Variants in RASEF observed in about 807,000 individuals in gnomAD.
The protein encoded by RASEF is ras and EF-hand domain-containing protein.
Under a neutral mutation model 90.1 loss-of-function variants are expected in RASEF, and 68 were observed. The observed-to-expected ratio is 0.75, with a 90% confidence interval of 0.62 to 0.92. The LOEUF (loss-of-function observed/expected upper bound fraction) is 0.92. Ranked by LOEUF, RASEF falls within the 40% of genes least tolerant of loss-of-function variation. RASEF has a pLI of 0.00. For synonymous variants in RASEF, 331 were observed against 345.2 expected (o/e 0.96, Z 0.46); for missense variants, 949 against 937.2 (o/e 1.01, Z -0.16).
the RASEF span, among the ~76,000 whole-genome samples, chr9:83,182,168 A>C: frequency 1.3e-5 from 2 of 152,198 alleles, no homozygotes; most frequent in Non-Finnish European, 2.9e-5. Context: ...CAAGCACAGG[A>C]GTCCCTCTCA....
At chr9:83,185,327 C>T in the RASEF span, among the ~76,000 whole-genome samples, 2 of 149,304 alleles carry the variant, frequency 1.3e-5, no homozygotes, top group South Asian at 4.4e-4. Flanking sequence ...GGCCCCTGTG[C>T]TTTCTTTTTC....
the RASEF span, among the ~76,000 whole-genome samples, chr9:83,089,882 TATAGATAGATGATAG>T: frequency 3.4e-5 from 5 of 147,916 alleles, no homozygotes; most frequent in East Asian, 9.9e-4. Flanking sequence ...TCTGGGACTT[TATAGATAGATGATAG>T]ATAGATAGAT....
intron 16 of RASEF, among the ~76,000 whole-genome samples, chr9:82,988,454 C>G (rs1828751708): frequency 6.6e-6 from 1 of 151,694 alleles, no homozygotes; most frequent in African/African-American, 2.4e-5. Context: ...CAAATATTCA[C>G]TTTTTTTTTC....
intron 4 of RASEF, among the ~76,000 whole-genome samples, chr9:83,014,508 G>T (rs1301585189): frequency 1.3e-5 from 2 of 151,978 alleles, no homozygotes; most frequent in African/African-American, 2.4e-5. Flanking sequence ...GCAGTGGTGG[G>T]ATCTCAACTA....
chr9:83,162,419 AT>A, the RASEF span, among the ~76,000 whole-genome samples: 3 of 152,168 alleles, frequency 2.0e-5, no homozygotes, highest in Non-Finnish European at 2.9e-5. Context: ...CAAGACTATA[AT>A]TTTTGTCCTT....
chr9:82,995,736 C>T (rs1233528733), intron 14 of RASEF, among the ~76,000 whole-genome samples: 1 of 152,140 alleles, frequency 6.6e-6, no homozygotes, highest in Non-Finnish European at 1.5e-5. Context: ...CTTGGGATTC[C>T]TTCTTGATAT....
the RASEF span, among the ~76,000 whole-genome samples, chr9:83,163,349 A>G: frequency 3.9e-5 from 6 of 152,234 alleles, 1 homozygote; most frequent in African/African-American, 7.2e-5. Context: ...AAACGACAAG[A>G]CTTACAAAAA....
At chr9:83,048,025 A>G in intron 1 of RASEF, 1 of 721,792 alleles carries the variant, frequency 1.4e-6, no homozygotes, top group Non-Finnish European at 1.7e-6. Context: ...CAGAGCTGAA[A>G]AGTGGCTGAG....
At chr9:83,074,410 G>C in the RASEF span, among the ~76,000 whole-genome samples, 1 of 151,306 alleles carries the variant, frequency 6.6e-6, no homozygotes, top group Admixed American at 6.6e-5. Flanking sequence ...TCTGTGTTTA[G>C]TGAGGGGATG....
the RASEF span, among the ~76,000 whole-genome samples, chr9:83,173,327 C>A: frequency 6.6e-6 from 1 of 151,698 alleles, no homozygotes; most frequent in Non-Finnish European, 1.5e-5. Flanking sequence ...ACTTTCTATC[C>A]CAACTTCTTT....
chr9:83,087,179 G>A, the RASEF span, among the ~76,000 whole-genome samples: 1 of 152,134 alleles, frequency 6.6e-6, no homozygotes, highest in Non-Finnish European at 1.5e-5. Flanking sequence ...GGAATGGTAG[G>A]GACATTGAAG....
intron 1 of RASEF, among the ~76,000 whole-genome samples, chr9:83,056,649 TA>T (rs932933477): frequency 6.6e-6 from 1 of 152,128 alleles, no homozygotes; most frequent in Non-Finnish European, 1.5e-5. Context: ...CTTAAAGAGA[TA>T]GGGGTAGTGT....
chr9:83,128,686 G>A, the RASEF span, among the ~76,000 whole-genome samples: 3 of 151,874 alleles, frequency 2.0e-5, no homozygotes, highest in Non-Finnish European at 4.4e-5. Context: ...CATTCTTCTT[G>A]GACACAGGAC....
intron 1 of RASEF, among the ~76,000 whole-genome samples, chr9:83,029,264 T>TG (rs1203309916): frequency 6.6e-6 from 1 of 152,078 alleles, no homozygotes; most frequent in African/African-American, 2.4e-5. Flanking sequence ...GCAGAAGAAA[T>TG]GGGATTCAAA....
At chr9:83,132,995 C>T in the RASEF span, among the ~76,000 whole-genome samples, 8 of 152,320 alleles carry the variant, frequency 5.3e-5, no homozygotes, top group South Asian at 1.7e-3. Flanking sequence ...TCACTATTTG[C>T]TTTGCCAATA....
the RASEF span, among the ~76,000 whole-genome samples, chr9:83,161,419 G>A: frequency 6.6e-6 from 1 of 152,130 alleles, no homozygotes; most frequent in Non-Finnish European, 1.5e-5. Context: ...GGGGCCTGTA[G>A]CCCCTTTCCC....
chr9:83,115,101 C>A, the RASEF span, among the ~76,000 whole-genome samples: 1 of 152,066 alleles, frequency 6.6e-6, no homozygotes, highest in Non-Finnish European at 1.5e-5. Flanking sequence ...ATTTCTCAAA[C>A]CGGCCAACAC....
chr9:83,103,709 T>G, the RASEF span, among the ~76,000 whole-genome samples: 1 of 152,188 alleles, frequency 6.6e-6, no homozygotes, highest in South Asian at 2.1e-4. Context: ...CACTATTGTA[T>G]AAGACTTATT....
chr9:83,106,593 G>A, the RASEF span, among the ~76,000 whole-genome samples: 48 of 152,196 alleles, frequency 3.2e-4, no homozygotes, highest in Non-Finnish European at 4.9e-4. Flanking sequence ...GGCTCTTGAC[G>A]TCCTTATCAC....
Sources: allele counts gnomAD v4.1 joint callset (sites outside exome capture counted in the v4.1 genomes callset), GRCh38; gene constraint gnomAD v4.1.1; transcripts MANE v1.5; gene names NCBI Gene and HGNC (gene_info 2026-07-23, HGNC 2026-07-21).